Variants in NTM observed in about 807,000 individuals in gnomAD.
NTM encodes neurotrimin.
Under a neutral mutation model 42.1 loss-of-function variants are expected in NTM, and 13 were observed. The observed-to-expected ratio is 0.31, with a 90% CI of 0.20 to 0.49. The LOEUF is 0.49. Ranked by LOEUF, NTM falls within the 20% of genes least tolerant of loss-of-function variation. The pLI, the probability that NTM is intolerant of heterozygous loss-of-function variation, is 0.99. For missense variants in NTM, 373 were observed against 452.8 expected (o/e 0.82, Z 1.60); for synonymous variants, 187 against 179.2 (o/e 1.04, Z -0.35).
intron 1 of NTM, among the ~76,000 whole-genome samples, chr11:131,442,005 A>G (rs1488616316): frequency 2.0e-5 from 3 of 152,152 alleles, no homozygotes; most frequent in African/African-American, 4.8e-5. Context: ...GATTAGATGC[A>G]CCACTCCTCA....
chr11:131,444,040 G>C (rs183500617), intron 1 of NTM, among the ~76,000 whole-genome samples: 1 of 151,974 alleles, frequency 6.6e-6, no homozygotes, highest in Non-Finnish European at 1.5e-5. Flanking sequence ...AAATGTTTGC[G>C]TTATTAAATT....
chr11:131,849,990 A>G (rs2045353146), intron 1 of NTM, among the ~76,000 whole-genome samples: 1 of 151,666 alleles, frequency 6.6e-6, no homozygotes, highest in Non-Finnish European at 1.5e-5. Flanking sequence ...TAATAATAAT[A>G]ATAATAAGAC....
chr11:131,833,361 A>G (rs1592163343), intron 1 of NTM, among the ~76,000 whole-genome samples: 1 of 152,226 alleles, frequency 6.6e-6, no homozygotes, highest in African/African-American at 2.4e-5. Context: ...AATGTGCTAC[A>G]TGCTTCACAT....
At chr11:131,382,568 A>T (rs879509626) in intron 1 of NTM, among the ~76,000 whole-genome samples, 2 of 152,154 alleles carry the variant, frequency 1.3e-5, no homozygotes, top group Admixed American at 1.3e-4. Context: ...ATCTATGTGG[A>T]ACAAAACTTT....
chr11:132,082,472 C>T lies in NTM; in HGVS notation c.168-63810C>T, dbSNP rs559742143. ...TCCTTAGTCTTCTAAAAAATCAATG[C>T]GTACTCCATATTGATTTATTTTCCT... On this transcript the variant is annotated intron_variant, in intron 2 of 8. Transcript: ENST00000683400. Among the ~76,000 whole-genome samples the T allele has an allele frequency of 3.4e-4, 51 of 152,076 alleles. 1 individual carries two copies. The South Asian group carries it at 6.7e-3, about 20-fold the overall frequency.
intron 1 of NTM, among the ~76,000 whole-genome samples, chr11:131,843,657 T>G (rs567147871): frequency 5.9e-5 from 9 of 152,260 alleles, no homozygotes; most frequent in Non-Finnish European, 1.3e-4. Flanking sequence ...GCCAAACTGC[T>G]TAATAAAATG....
intron 1 of NTM, among the ~76,000 whole-genome samples, chr11:131,628,984 T>C (rs1211739670): frequency 5.9e-5 from 9 of 152,170 alleles, no homozygotes; most frequent in Non-Finnish European, 1.5e-5. Context: ...GGGGCATCTG[T>C]GCATGGTGTG....
intron 2 of NTM, among the ~76,000 whole-genome samples, chr11:131,965,185 A>G (rs2062675764): frequency 6.6e-6 from 1 of 152,154 alleles, no homozygotes; most frequent in South Asian, 2.1e-4. Flanking sequence ...AACAGAGGAG[A>G]AAGAGTATCA....
chr11:131,913,257 C>G (rs2055588124), intron 2 of NTM, among the ~76,000 whole-genome samples: 1 of 152,194 alleles, frequency 6.6e-6, no homozygotes, highest in Non-Finnish European at 1.5e-5. Context: ...CTCTTTGTCC[C>G]TAGTCCTTGG....
At chr11:131,522,439 G>A (rs2049883154) in intron 1 of NTM, among the ~76,000 whole-genome samples, 1 of 151,946 alleles carries the variant, frequency 6.6e-6, no homozygotes. Flanking sequence ...GGTCTGCTGA[G>A]ATCTTTACTG....
At chr11:132,231,291 A>G (rs1215422838) in intron 4 of NTM, among the ~76,000 whole-genome samples, 3 of 152,198 alleles carry the variant, frequency 2.0e-5, no homozygotes, top group Admixed American at 2.0e-4. Context: ...TACAAGGGCT[A>G]CCATTTTCTT....
chr11:131,797,322 G>GT (rs2091675459), intron 1 of NTM, among the ~76,000 whole-genome samples: 1 of 152,200 alleles, frequency 6.6e-6, no homozygotes, highest in Non-Finnish European at 1.5e-5. Flanking sequence ...TTTGCTCTAG[G>GT]TGGGACTCTG....
chr11:132,075,228 A>T (rs114840934), intron 2 of NTM, among the ~76,000 whole-genome samples: 1 of 152,194 alleles, frequency 6.6e-6, no homozygotes, highest in Admixed American at 6.5e-5. Context: ...CAAGATGTGT[A>T]AGTTCTGGAA....
intron 1 of NTM, among the ~76,000 whole-genome samples, chr11:131,893,610 T>G (rs1361267639): frequency 1.3e-5 from 2 of 152,220 alleles, no homozygotes; most frequent in African/African-American, 4.8e-5. Context: ...AAGTACCATC[T>G]TCAGAGCTTT....
At chr11:131,378,149 C>A (rs1322460915) in intron 1 of NTM, among the ~76,000 whole-genome samples, 2 of 152,322 alleles carry the variant, frequency 1.3e-5, no homozygotes, top group East Asian at 3.9e-4. Context: ...TGGGACCCTA[C>A]ACTGATATTT....
chr11:131,838,238 C>T (rs1445271668), intron 1 of NTM, among the ~76,000 whole-genome samples: 4 of 152,140 alleles, frequency 2.6e-5, no homozygotes, highest in African/African-American at 9.7e-5. Flanking sequence ...GATCACTCAT[C>T]CCGGAAGTCG....
intron 2 of NTM, among the ~76,000 whole-genome samples, chr11:132,033,804 G>T (rs2076201027): frequency 6.6e-6 from 1 of 152,186 alleles, no homozygotes; most frequent in South Asian, 2.1e-4. Context: ...GATAAATCCG[G>T]AGACTGGATT....
chr11:132,190,092 G>T (rs555880485), intron 3 of NTM, among the ~76,000 whole-genome samples: 11 of 152,296 alleles, frequency 7.2e-5, no homozygotes, highest in African/African-American at 2.4e-4. Flanking sequence ...TCAACAAAAT[G>T]ATTTGAGCCC....
intron 4 of NTM, among the ~76,000 whole-genome samples, chr11:132,214,695 TG>T (rs2083482735): frequency 6.6e-6 from 1 of 152,172 alleles, no homozygotes; most frequent in Admixed American, 6.5e-5. Context: ...TAGAGTCTTT[TG>T]TTTCCCCTTT....
Sources: allele counts gnomAD v4.1 joint callset (sites outside exome capture counted in the v4.1 genomes callset), GRCh38; gene constraint gnomAD v4.1.1; transcripts MANE v1.5; gene names NCBI Gene and HGNC (gene_info 2026-07-23, HGNC 2026-07-21).